Variants in TMEM117 observed in about 807,000 individuals in gnomAD.
The protein encoded by TMEM117 is transmembrane protein 117.
TMEM117 carries 27 observed loss-of-function variants against 52.4 expected under a neutral mutation model. That is an observed-to-expected ratio of 0.51 (90% CI 0.38 to 0.71). The LOEUF is 0.71. TMEM117 is among the 30% of genes least tolerant of loss of function. TMEM117 has a pLI of 0.00. For synonymous variants in TMEM117, 215 were observed against 206.3 expected (o/e 1.04, Z -0.36); for missense variants, 556 against 630.5 (o/e 0.88, Z 1.26).
intron 2 of TMEM117, among the ~76,000 whole-genome samples, chr12:43,866,257 T>C (rs1271978588): frequency 2.0e-5 from 3 of 151,752 alleles, no homozygotes. Context: ...TTTAAAGTAC[T>C]GTAAGAAATA....
chr12:44,352,267 T>C (rs1193667830), intron 6 of TMEM117, among the ~76,000 whole-genome samples: 1 of 151,898 alleles, frequency 6.6e-6, no homozygotes, highest in Non-Finnish European at 1.5e-5. Context: ...AAAATAATTT[T>C]GTTTTGTTTT....
intron 5 of TMEM117, among the ~76,000 whole-genome samples, chr12:44,256,401 G>A (rs540981319): frequency 6.6e-6 from 1 of 151,928 alleles, no homozygotes; most frequent in Non-Finnish European, 1.5e-5. Flanking sequence ...TATGAAGGAA[G>A]GAAGAAATAT....
At chr12:44,198,225 T>C (rs894150603) in intron 4 of TMEM117, among the ~76,000 whole-genome samples, 12 of 152,140 alleles carry the variant, frequency 7.9e-5, no homozygotes, top group African/African-American at 2.7e-4. Flanking sequence ...ATGGTTAGAA[T>C]AGGAAGGGCA....
At chr12:44,228,689 C>T (rs1370921599) in intron 5 of TMEM117, among the ~76,000 whole-genome samples, 1 of 151,946 alleles carries the variant, frequency 6.6e-6, no homozygotes, top group East Asian at 1.9e-4. Flanking sequence ...CAAAGCATCC[C>T]AAGTGCAGTA....
At chr12:44,341,424 T>A (rs753518338) in intron 6 of TMEM117, among the ~76,000 whole-genome samples, 3 of 152,150 alleles carry the variant, frequency 2.0e-5, no homozygotes, top group Non-Finnish European at 4.4e-5. Context: ...GTTCCATTCA[T>A]GTTGCTGTAA....
intron 2 of TMEM117, among the ~76,000 whole-genome samples, chr12:43,920,310 G>A (rs1244013401): frequency 6.6e-6 from 1 of 152,090 alleles, no homozygotes; most frequent in African/African-American, 2.4e-5. Flanking sequence ...CGGATCACGA[G>A]GTCAGAAGAT....
chr12:43,854,115 C>T (rs1565719888), intron 2 of TMEM117, among the ~76,000 whole-genome samples: 1 of 152,098 alleles, frequency 6.6e-6, no homozygotes, highest in South Asian at 2.1e-4. Flanking sequence ...TTATCTCTTC[C>T]ATTACAGTCT....
chr12:44,150,417 A>G (rs759803166), intron 4 of TMEM117, among the ~76,000 whole-genome samples: 1 of 152,124 alleles, frequency 6.6e-6, no homozygotes, highest in East Asian at 1.9e-4. Flanking sequence ...TGGGCAATGG[A>G]GTGCTCCAGT....
intron 2 of TMEM117, among the ~76,000 whole-genome samples, chr12:43,848,316 C>T (rs1372045406): frequency 6.6e-6 from 1 of 152,082 alleles, no homozygotes; most frequent in Non-Finnish European, 1.5e-5. Flanking sequence ...CCCTAGTAAG[C>T]CTGAGGGTTC....
intron 6 of TMEM117, among the ~76,000 whole-genome samples, chr12:44,337,018 T>A (rs1740243710): frequency 6.6e-6 from 1 of 152,102 alleles, no homozygotes; most frequent in Non-Finnish European, 1.5e-5. Flanking sequence ...GTCTTCGGTA[T>A]CTTTTATCCT....
intron 2 of TMEM117, among the ~76,000 whole-genome samples, chr12:43,919,278 C>T (rs1316165701): frequency 6.6e-6 from 1 of 152,144 alleles, no homozygotes; most frequent in Non-Finnish European, 1.5e-5. Context: ...ACTTTATGCC[C>T]GTTGATTAGT....
At chr12:44,262,288 A>G (rs1456420648) in intron 5 of TMEM117, among the ~76,000 whole-genome samples, 2 of 152,200 alleles carry the variant, frequency 1.3e-5, no homozygotes, top group Non-Finnish European at 2.9e-5. Flanking sequence ...ATACTCATAC[A>G]TTGTTTAGTT....
chr12:44,095,768 T>C (rs1947748676), intron 3 of TMEM117, among the ~76,000 whole-genome samples: 2 of 152,246 alleles, frequency 1.3e-5, no homozygotes, highest in South Asian at 2.1e-4. Flanking sequence ...AAATACTGAA[T>C]GGGCAAAAAC....
At chr12:44,213,245 T>TCTGA (rs1410664819) in intron 5 of TMEM117, among the ~76,000 whole-genome samples, 3 of 152,224 alleles carry the variant, frequency 2.0e-5, no homozygotes, top group Admixed American at 2.0e-4. Flanking sequence ...GGCATAGTTC[T>TCTGA]CTGACTCCAG....
the TMEM117 span, among the ~76,000 whole-genome samples, chr12:43,808,160 G>A: frequency 6.6e-6 from 1 of 152,138 alleles, no homozygotes; most frequent in Non-Finnish European, 1.5e-5. Flanking sequence ...AAGGATATTG[G>A]AGGATCTTAT....
chr12:44,348,504 A>G (rs1951521012), intron 6 of TMEM117, among the ~76,000 whole-genome samples: 1 of 151,924 alleles, frequency 6.6e-6, no homozygotes. Context: ...CCCAAAACAC[A>G]TTCTGATAAT....
At chr12:44,216,745 GT>G (rs2138414736) in intron 5 of TMEM117, among the ~76,000 whole-genome samples, 1 of 152,294 alleles carries the variant, frequency 6.6e-6, no homozygotes, top group Non-Finnish European at 1.5e-5. Flanking sequence ...AAAGCAAAAT[GT>G]TCATAGTGTG....
chr12:44,205,498 A>G (rs928660444), intron 4 of TMEM117, among the ~76,000 whole-genome samples: 1 of 152,206 alleles, frequency 6.6e-6, no homozygotes, highest in Non-Finnish European at 1.5e-5. Flanking sequence ...AATACTTGCA[A>G]AATATCCATC....
intron 5 of TMEM117, among the ~76,000 whole-genome samples, chr12:44,220,898 A>C (rs1949779673): frequency 6.6e-6 from 1 of 152,198 alleles, no homozygotes; most frequent in Admixed American, 6.5e-5. Flanking sequence ...CTTAGATAAA[A>C]ATGATTAAAT....
Sources: allele counts gnomAD v4.1 joint callset (sites outside exome capture counted in the v4.1 genomes callset), GRCh38; gene constraint gnomAD v4.1.1; transcripts MANE v1.5; gene names NCBI Gene and HGNC (gene_info 2026-07-23, HGNC 2026-07-21).